SAMD5: variants seen among roughly 807,000 people sequenced by gnomAD.
SAMD5 encodes the protein sterile alpha motif domain containing 5.
SAMD5 carries 13 observed loss-of-function variants against 11.3 expected under a neutral mutation model. The observed-to-expected ratio is 1.15, with a 90% CI of 0.75 to 1.83. The LOEUF (loss-of-function observed/expected upper bound fraction) is 1.83, where lower values mean the gene tolerates loss of function less well. SAMD5 is among the 40% of genes most tolerant of loss of function. SAMD5 has a pLI of 0.00. For missense variants in SAMD5, 255 were observed against 239.1 expected (o/e 1.07, Z -0.44); for synonymous variants, 129 against 111.3 (o/e 1.16, Z -1.00).
the SAMD5 span, among the ~76,000 whole-genome samples, chr6:147,909,587 T>C: frequency 5.6e-3 from 379 of 67,420 alleles, 1 homozygote; most frequent in African/African-American, 0.031. Flanking sequence ...TTTCTTTCTT[T>C]CTTTCTTTCT....
chr6:147,762,763 A>T, the SAMD5 span, among the ~76,000 whole-genome samples: 1 of 152,042 alleles, frequency 6.6e-6, no homozygotes, highest in African/African-American at 2.4e-5. Context: ...TAGTACTTTC[A>T]CTCTACTCCC....
At chr6:147,946,840 T>G in the SAMD5 span, among the ~76,000 whole-genome samples, 1 of 152,222 alleles carries the variant, frequency 6.6e-6, no homozygotes, top group Admixed American at 6.5e-5. Flanking sequence ...ATTATCAACA[T>G]TCAACACTTT....
chr6:147,540,782 G>T (rs1788588071), intron 1 of SAMD5, among the ~76,000 whole-genome samples: 1 of 151,932 alleles, frequency 6.6e-6, no homozygotes, highest in South Asian at 2.1e-4. Flanking sequence ...AGAGAGGGGG[G>T]GGGTCCAGAA....
At chr6:147,918,870 A>T in the SAMD5 span, among the ~76,000 whole-genome samples, 1 of 151,692 alleles carries the variant, frequency 6.6e-6, no homozygotes, top group African/African-American at 2.4e-5. Flanking sequence ...ACACTCAGCT[A>T]ATTTTTTTGT....
the SAMD5 span, among the ~76,000 whole-genome samples, chr6:147,855,706 G>C: frequency 6.6e-6 from 1 of 152,088 alleles, no homozygotes; most frequent in African/African-American, 2.4e-5. Context: ...AACCCAGAAG[G>C]CTTCTGCTTA....
chr6:147,802,191 C>G, the SAMD5 span, among the ~76,000 whole-genome samples: 1 of 152,242 alleles, frequency 6.6e-6, no homozygotes, highest in African/African-American at 2.4e-5. Flanking sequence ...ATATAATTAA[C>G]TGCTATAATG....
intron 1 of SAMD5, among the ~76,000 whole-genome samples, chr6:147,679,454 A>T (rs959669850): frequency 2.0e-5 from 3 of 152,026 alleles, no homozygotes; most frequent in Admixed American, 6.5e-5. Context: ...TTCTTTGGTG[A>T]GGTGTCAGTT....
the SAMD5 span, among the ~76,000 whole-genome samples, chr6:147,921,088 A>G: frequency 6.6e-6 from 1 of 152,122 alleles, no homozygotes; most frequent in South Asian, 2.1e-4. Context: ...ACTATTCTGA[A>G]CCAGACATTG....
intron 1 of SAMD5, among the ~76,000 whole-genome samples, chr6:147,556,633 G>T (rs915213076): frequency 1.1e-4 from 16 of 152,132 alleles, no homozygotes; most frequent in Non-Finnish European, 1.9e-4. Flanking sequence ...TTCCCAGGTT[G>T]GGAATAGTGA....
At chr6:147,930,711 G>C in the SAMD5 span, among the ~76,000 whole-genome samples, 5 of 152,158 alleles carry the variant, frequency 3.3e-5, no homozygotes, top group African/African-American at 4.8e-5. Context: ...GGCCACTGGT[G>C]CAAGTCCCAG....
At chr6:147,653,418 A>G (rs923090249) in intron 1 of SAMD5, among the ~76,000 whole-genome samples, 1 of 152,258 alleles carries the variant, frequency 6.6e-6, no homozygotes, top group African/African-American at 2.4e-5. Context: ...TAAAGTGTGT[A>G]CATGTGAAGA....
chr6:147,904,427 C>G, the SAMD5 span, among the ~76,000 whole-genome samples: 1 of 152,196 alleles, frequency 6.6e-6, no homozygotes, highest in Non-Finnish European at 1.5e-5. Flanking sequence ...TAGCCTGGGT[C>G]TCTGACGAAC....
chr6:147,621,411 A>G (rs1431982240), intron 1 of SAMD5, among the ~76,000 whole-genome samples: 1 of 152,108 alleles, frequency 6.6e-6, no homozygotes, highest in Non-Finnish European at 1.5e-5. Context: ...AGAAAGGGAG[A>G]GTCAGGGATG....
At chr6:147,579,075 G>A (rs1789258311) in intron 1 of SAMD5, among the ~76,000 whole-genome samples, 1 of 152,248 alleles carries the variant, frequency 6.6e-6, no homozygotes, top group Admixed American at 6.5e-5. Context: ...AAACAATCCA[G>A]TTTGAGAACA....
the SAMD5 span, among the ~76,000 whole-genome samples, chr6:147,826,906 G>A: frequency 3.3e-5 from 5 of 152,104 alleles, 1 homozygote; most frequent in East Asian, 9.7e-4. Context: ...GCAGCAGTGG[G>A]TTTTGCAGCA....
the SAMD5 span, among the ~76,000 whole-genome samples, chr6:147,904,889 G>C: frequency 9.0e-6 from 1 of 111,590 alleles, no homozygotes; most frequent in Non-Finnish European, 1.7e-5. Flanking sequence ...TAGACTTTAT[G>C]CCTTTTTTTT....
At chr6:147,764,532 A>C in the SAMD5 span, among the ~76,000 whole-genome samples, 1 of 152,154 alleles carries the variant, frequency 6.6e-6, no homozygotes, top group South Asian at 2.1e-4. Context: ...ATGTTCTCTC[A>C]TGCCCTGATA....
At chr6:147,672,584 A>G (rs972262044) in intron 1 of SAMD5, among the ~76,000 whole-genome samples, 3 of 152,194 alleles carry the variant, frequency 2.0e-5, no homozygotes, top group Non-Finnish European at 2.9e-5. Flanking sequence ...AACATAGTTA[A>G]ATAAATCAAT....
intron 1 of SAMD5, among the ~76,000 whole-genome samples, chr6:147,581,233 T>A (rs1268770463): frequency 6.6e-6 from 1 of 152,170 alleles, no homozygotes; most frequent in African/African-American, 2.4e-5. Context: ...CTAAATCATG[T>A]GCAAGAGAAA....
Sources: allele counts gnomAD v4.1 joint callset (sites outside exome capture counted in the v4.1 genomes callset), GRCh38; gene constraint gnomAD v4.1.1; transcripts MANE v1.5; gene names NCBI Gene and HGNC (gene_info 2026-07-23, HGNC 2026-07-21).